ABTB2: variants seen among roughly 807,000 people sequenced by gnomAD.
ABTB2 encodes ankyrin repeat and BTB domain containing 2.
ABTB2 carries 56 observed loss-of-function variants against 104.1 expected under a neutral mutation model. That is an observed-to-expected ratio of 0.54 (90% CI 0.43 to 0.67). The LOEUF is 0.67. ABTB2 is among the 30% of genes least tolerant of loss of function. The pLI is 0.00. For synonymous variants in ABTB2, 606 were observed against 608.2 expected (o/e 1.00, Z 0.05); for missense variants, 1,279 against 1,407.7 (o/e 0.91, Z 1.46).
intron 1 of ABTB2, among the ~76,000 whole-genome samples, chr11:34,236,030 G>T (rs7104335): frequency 6.6e-6 from 1 of 152,012 alleles, no homozygotes; most frequent in Non-Finnish European, 1.5e-5. Context: ...TGGGTTCTGG[G>T]GTGGACAGAC....
rs918746854 is a variant in ABTB2 at position 34,159,889 on chromosome 11, T to C, written c.2606+17A>G. ...CTGTGCCCCTGGGCTGGGAGTTTGTTATCTGAGGCTGCCTACCTGTTAGAA... is the reference window on the plus strand; with the variant it reads ...CTGTGCCCCTGGGCTGGGAGTTTGTCATCTGAGGCTGCCTACCTGTTAGAA... On this transcript the variant is annotated intron_variant, in intron 13 of 16. Transcript: ENST00000435224. 6.3e-7 allele frequency: 1 copy of C among 1,597,484 alleles called. No homozygotes were observed. Among genetic ancestry groups the C allele is most frequent in the Admixed American group, 1.7e-5 (1 of 59,976 alleles).
Position 34,252,644 on chromosome 11 carries a change from C to T in ABTB2, c.884-47954G>A, listed in dbSNP as rs574493111. On this transcript the variant is annotated intron_variant, in intron 1 of 16. Transcript: ENST00000435224. This position sits in a 1 kb window ranked among gnomAD's most constrained non-coding sequence, Gnocchi z 5.5. Reference sequence around the variant, plus strand: ...TGGGAGACAGCCTCCTGGTCCTGGTCCAGCACCTTCCTGAGGCTTAGAAGC... The same window carrying T: ...TGGGAGACAGCCTCCTGGTCCTGGTTCAGCACCTTCCTGAGGCTTAGAAGC... 4.6e-5 allele frequency among the ~76,000 whole-genome samples: 7 copies of T among 152,268 alleles called. No homozygotes were observed. The highest frequency in any genetic ancestry group is 1.3e-4 in the Admixed American group (2 of 15,300).
chr11:34,270,471 C>T (rs927772418), intron 1 of ABTB2, among the ~76,000 whole-genome samples: 1 of 151,956 alleles, frequency 6.6e-6, no homozygotes, highest in South Asian at 2.1e-4. Context: ...TCCCGAGTAG[C>T]TGGGATTATA....
chr11:34,286,371 C>T lies in ABTB2; in HGVS notation c.883+70330G>A, dbSNP rs148371572. On this transcript the variant is annotated intron_variant, in intron 1 of 16. Transcript: ENST00000435224. The stretch of plus-strand genomic sequence containing the variant: ...TCAGTGGCACGATCTCGGCTCACTG[C>T]GACCTCTGCCTCCCCAGTTCAAGCG... Among the ~76,000 whole-genome samples, 828 of 152,194 alleles carry T rather than the reference C, an allele frequency of 5.4e-3. 6 individuals are homozygous for T. The highest frequency in any genetic ancestry group is 0.019 in the African/African-American group (776 of 41,538).
chr11:34,285,986 C>G (rs1200268755), intron 1 of ABTB2, among the ~76,000 whole-genome samples: 2 of 152,086 alleles, frequency 1.3e-5, no homozygotes, highest in Non-Finnish European at 2.9e-5. Flanking sequence ...TGACCCAATA[C>G]TATAGTTGGG....
At position 34,160,944 on chromosome 11, in the gene ABTB2, C is replaced by T. The variant is rs558739112; in HGVS notation, c.2356G>A (p.Glu786Lys). 75 of 1,612,700 alleles carry T rather than the reference C, an allele frequency of 4.7e-5. No individual in the cohort carries two copies. The highest frequency in any genetic ancestry group is 3.5e-4 in the Admixed American group (21 of 59,856). ...ATGTCGAACATGAGCTGCAAGCCCTCGGTCACCAGCTCCTCGTTGTACTCC... is the reference window on the plus strand; with the variant it reads ...ATGTCGAACATGAGCTGCAAGCCCTTGGTCACCAGCTCCTCGTTGTACTCC... ...EEEYNEELVT[E>K]GLQLMFDILK... The change falls in exon 11 of 17, where the codon GAG becomes AAG. Residue 786 changes from glutamate to lysine, a missense_variant. Transcript: ENST00000435224.
chr11:34,241,025 A>G (rs1342467435), intron 1 of ABTB2, among the ~76,000 whole-genome samples: 1 of 152,146 alleles, frequency 6.6e-6, no homozygotes, highest in Non-Finnish European at 1.5e-5. Flanking sequence ...CAAGGGGGAA[A>G]GGAAATGGGA....
chr11:34,327,036 C>T (rs1855077859), intron 1 of ABTB2, among the ~76,000 whole-genome samples: 1 of 152,066 alleles, frequency 6.6e-6, no homozygotes, highest in Non-Finnish European at 1.5e-5. Flanking sequence ...GATTGCGCCA[C>T]TACACTATAG....
chr11:34,309,440 GGT>G (rs1854823082), intron 1 of ABTB2, among the ~76,000 whole-genome samples: 1 of 152,198 alleles, frequency 6.6e-6, no homozygotes, highest in Admixed American at 6.5e-5. Context: ...GCAGGTCAGA[GGT>G]TATATCAAGA....
intron 1 of ABTB2, among the ~76,000 whole-genome samples, chr11:34,236,784 C>T (rs761428625): frequency 4.3e-4 from 65 of 152,318 alleles, no homozygotes; most frequent in African/African-American, 1.3e-3. Context: ...CAAAGCTGCT[C>T]GCTCCTAGAT....
chr11:34,219,922 C>T (rs1346989574), intron 1 of ABTB2, among the ~76,000 whole-genome samples: 4 of 152,134 alleles, frequency 2.6e-5, no homozygotes, highest in Non-Finnish European at 5.9e-5. Flanking sequence ...GTGCTGTTAT[C>T]GTCAGCAAGG....
chr11:34,315,777 G>A (rs529904134), intron 1 of ABTB2, among the ~76,000 whole-genome samples: 3 of 152,212 alleles, frequency 2.0e-5, no homozygotes, highest in East Asian at 1.9e-4. Context: ...GAAATGACAC[G>A]AGCAGCCACC....
At chr11:34,327,910 G>A (rs946170842) in intron 1 of ABTB2, among the ~76,000 whole-genome samples, 1 of 152,158 alleles carries the variant, frequency 6.6e-6, no homozygotes, top group Non-Finnish European at 1.5e-5. Flanking sequence ...TTTGTCTGCT[G>A]TCTCACTCCC....
intron 1 of ABTB2, among the ~76,000 whole-genome samples, chr11:34,248,668 C>T (rs566422595): frequency 1.9e-4 from 29 of 152,278 alleles, no homozygotes; most frequent in Admixed American, 6.5e-4. Context: ...TCCTTAAGAA[C>T]GTAAAACAAG....
Position 34,356,858 on chromosome 11 carries a change from G to C in ABTB2, c.726C>G (p.Ile242Met). ...TGTGGCTGGCCATCACCCTGGCCCG[G>C]ATCTCCTCCACCAGGTTCTCCATGC... ...TACMENLVEEIRARVMASHSP... is the reference protein window; with the variant it reads ...TACMENLVEEMRARVMASHSP... The change falls in exon 1 of 17, where the codon ATC (isoleucine) becomes ATG (methionine). Residue 242 changes from isoleucine to methionine, a missense_variant. Coordinates refer to ENST00000435224, the MANE Select transcript of ABTB2 (RefSeq NM_145804.3). This position sits in a 1 kb window ranked among gnomAD's most constrained non-coding sequence, Gnocchi z 4.6. 6.2e-7 allele frequency: 1 copy of C among 1,605,558 alleles called. No individual in the cohort carries two copies. The highest frequency in any genetic ancestry group is 8.5e-7 in the Non-Finnish European group (1 of 1,176,248).
chr11:34,211,112 C>T (rs1853475708), intron 1 of ABTB2, among the ~76,000 whole-genome samples: 1 of 152,010 alleles, frequency 6.6e-6, no homozygotes, highest in African/African-American at 2.4e-5. Context: ...TCAATTCATT[C>T]TTTTTGTTTG....
intron 3 of ABTB2, among the ~76,000 whole-genome samples, chr11:34,195,817 T>C (rs2133035284): frequency 6.6e-6 from 1 of 152,320 alleles, no homozygotes. Flanking sequence ...GCCTTTGTTT[T>C]CTGGGGCACT....
intron 3 of ABTB2, among the ~76,000 whole-genome samples, chr11:34,192,354 C>T (rs954644300): frequency 3.4e-4 from 52 of 152,150 alleles, no homozygotes; most frequent in African/African-American, 1.2e-3. Context: ...TGATTAAGAG[C>T]CTTGAAGAGG....
chr11:34,188,900 G>A (rs1040978996), intron 3 of ABTB2, among the ~76,000 whole-genome samples: 9 of 152,212 alleles, frequency 5.9e-5, no homozygotes, highest in Non-Finnish European at 1.2e-4. Context: ...GAGGTGCCTT[G>A]ATGTGGTACC....
Sources: allele counts gnomAD v4.1 joint callset (sites outside exome capture counted in the v4.1 genomes callset), GRCh38; gene constraint gnomAD v4.1.1; non-coding constraint Gnocchi (gnomAD v3.1); transcripts MANE v1.5; gene names NCBI Gene and HGNC (gene_info 2026-07-23, HGNC 2026-07-21).